CYSTM1: variants seen among roughly 807,000 people sequenced by gnomAD.
The protein encoded by CYSTM1 is cysteine-rich transmembrane module-containing protein 1.
CYSTM1 carries 4 observed loss-of-function variants against 13.1 expected under a neutral mutation model. That is an observed-to-expected ratio of 0.31 (90% CI 0.15 to 0.70). The LOEUF (loss-of-function observed/expected upper bound fraction) is 0.70. CYSTM1 is among the 30% of genes least tolerant of loss of function. The pLI, the probability that CYSTM1 is intolerant of heterozygous loss-of-function variation, is 0.72. For synonymous variants in CYSTM1, 36 were observed against 42.7 expected (o/e 0.84, Z 0.62); for missense variants, 96 against 121.6 (o/e 0.79, Z 0.99).
chr5:140,221,996 T>C (rs1343420935), intron 2 of CYSTM1, among the ~76,000 whole-genome samples: 1 of 152,250 alleles, frequency 6.6e-6, no homozygotes, highest in East Asian at 1.9e-4. Context: ...TGTCACTTAT[T>C]GGTGGGCACT....
At chr5:140,199,545 C>A (rs1407569025) in intron 2 of CYSTM1, among the ~76,000 whole-genome samples, 1 of 152,234 alleles carries the variant, frequency 6.6e-6, no homozygotes, top group Non-Finnish European at 1.5e-5. Context: ...GGCTGGAGTG[C>A]AGTGGCGCGA....
intron 2 of CYSTM1, among the ~76,000 whole-genome samples, chr5:140,225,902 C>T (rs561275321): frequency 4.3e-4 from 65 of 152,332 alleles, no homozygotes; most frequent in African/African-American, 1.5e-3. Context: ...CTCTCTACAG[C>T]GAGGGGCTAA....
rs899946107 is a variant in CYSTM1 at position 140,175,729 on chromosome 5, A to G, written c.-21+444A>G. 6.6e-6 allele frequency among the ~76,000 whole-genome samples: 1 copy of G among 152,192 alleles called. No homozygotes were observed. The highest frequency in any genetic ancestry group is 1.5e-5 in the Non-Finnish European group (1 of 68,026). ...GCTGGGCCAGCCGGGGGCAGGGGGC[A>G]GGTCGCGAGTCCCGCGGGTGGGAGC... On this transcript the variant is annotated intron_variant, in intron 1 of 2. Coordinates refer to ENST00000261811, the MANE Select transcript of CYSTM1 (RefSeq NM_032412.4). The surrounding 1 kb of genome is among the most constrained non-coding windows in gnomAD (Gnocchi z 4.9).
At chr5:140,231,438 G>A (rs75634750) in intron 2 of CYSTM1, among the ~76,000 whole-genome samples, 1,936 of 152,232 alleles carry the variant, frequency 0.013, 57 homozygotes, top group African/African-American at 0.044. Context: ...CATGGATTCC[G>A]TAAACGTAGC....
At chr5:140,210,472 G>A (rs1197505657) in intron 2 of CYSTM1, among the ~76,000 whole-genome samples, 1 of 151,916 alleles carries the variant, frequency 6.6e-6, no homozygotes, top group Non-Finnish European at 1.5e-5. Context: ...CCCCTCCTTT[G>A]AGAACCACTG....
At chr5:140,233,117 T>C (rs1764635814) in intron 2 of CYSTM1, among the ~76,000 whole-genome samples, 1 of 152,202 alleles carries the variant, frequency 6.6e-6, no homozygotes, top group Admixed American at 6.5e-5. Flanking sequence ...ATAGAATTGC[T>C]GTGGTTGAGG....
chr5:140,218,070 C>T (rs181681094), intron 2 of CYSTM1, among the ~76,000 whole-genome samples: 144 of 152,112 alleles, frequency 9.5e-4, no homozygotes, highest in African/African-American at 3.3e-3. Context: ...GGTGATAGCC[C>T]GCTCCAGCTA....
intron 2 of CYSTM1, among the ~76,000 whole-genome samples, chr5:140,227,595 G>A (rs1764572291): frequency 6.6e-6 from 1 of 152,174 alleles, no homozygotes; most frequent in Non-Finnish European, 1.5e-5. Flanking sequence ...GTTGGACCAT[G>A]TGAGGTGTCT....
chr5:140,195,783 G>A (rs573040666), intron 2 of CYSTM1, among the ~76,000 whole-genome samples: 12 of 149,336 alleles, frequency 8.0e-5, no homozygotes, highest in Non-Finnish European at 1.3e-4. Context: ...AGTGGCTCAT[G>A]CCTGTAATCC....
intron 2 of CYSTM1, 120 bp downstream of exon 2, chr5:140,194,772 A>C: frequency 8.0e-7 from 1 of 1,244,576 alleles, no homozygotes; most frequent in Non-Finnish European, 1.1e-6. Flanking sequence ...GATGTCCCCA[A>C]AGCTTGATGA....
chr5:140,183,616 C>T (rs1003717519), intron 1 of CYSTM1, among the ~76,000 whole-genome samples: 8 of 152,190 alleles, frequency 5.3e-5, no homozygotes, highest in African/African-American at 1.7e-4. Context: ...TGGATGTGCT[C>T]CTCCCCGATA....
chr5:140,227,935 T>C lies in CYSTM1; in HGVS notation c.188-15370T>C, dbSNP rs140340159. The stretch of plus-strand genomic sequence containing the variant: ...ATTTCAGAAATGTGTGTGTGTGTAT[T>C]TGTGTGTATATCCTTCTTATTGTAC... On this transcript the variant is annotated intron_variant, in intron 2 of 2. Transcript: ENST00000261811. Among the ~76,000 whole-genome samples, 3 of 152,254 alleles carry C rather than the reference T, an allele frequency of 2.0e-5. No homozygotes were observed. The East Asian group carries it at 5.8e-4, about 29-fold the overall frequency.
intron 2 of CYSTM1, among the ~76,000 whole-genome samples, chr5:140,238,075 G>A (rs539464449): frequency 6.6e-6 from 1 of 152,330 alleles, no homozygotes; most frequent in East Asian, 1.9e-4. Flanking sequence ...TGGGTGAGTT[G>A]GTTGGCCAGC....
chr5:140,231,749 T>C (rs917217709), intron 2 of CYSTM1, among the ~76,000 whole-genome samples: 1 of 152,176 alleles, frequency 6.6e-6, no homozygotes, highest in African/African-American at 2.4e-5. Flanking sequence ...GGAAAGATGG[T>C]GGCTCATTTG....
At chr5:140,185,799 A>G (rs1296300755) in intron 1 of CYSTM1, among the ~76,000 whole-genome samples, 1 of 152,160 alleles carries the variant, frequency 6.6e-6, no homozygotes, top group East Asian at 1.9e-4. Context: ...TGGAATGCCT[A>G]TTGTTGTGAC....
chr5:140,243,469 C>A lies in CYSTM1; in HGVS notation c.*58C>A. On this transcript the variant is annotated 3_prime_UTR_variant, in exon 3 of 3. Transcript: ENST00000261811. ...TCTGCTGCCACCTCTGACAGGTGTGCCTGCCCCCATCTCTTCTGATTGCTG... is the reference window on the plus strand; with the variant it reads ...TCTGCTGCCACCTCTGACAGGTGTGACTGCCCCCATCTCTTCTGATTGCTG... The A allele has an allele frequency of 6.9e-7, 1 of 1,455,022 alleles. No homozygotes were observed. Among genetic ancestry groups the A allele is most frequent in the Non-Finnish European group, 9.6e-7 (1 of 1,046,516 alleles). The allele number at this position is 1,455,022 out of a possible 1,614,324, so 90.1% of individuals were successfully genotyped here. A position where few individuals can be genotyped will look rare whatever the true frequency, so the allele number is the denominator to read the frequency against.
intron 2 of CYSTM1, among the ~76,000 whole-genome samples, chr5:140,233,101 G>A (rs1426448126): frequency 1.3e-5 from 2 of 152,168 alleles, no homozygotes; most frequent in East Asian, 3.8e-4. Context: ...CTGGAAAATA[G>A]ATACTATAGA....
At chr5:140,188,375 C>T (rs1764048490) in intron 1 of CYSTM1, among the ~76,000 whole-genome samples, 1 of 152,102 alleles carries the variant, frequency 6.6e-6, no homozygotes, top group African/African-American at 2.4e-5. Context: ...AGCATGAGCC[C>T]TGAGCCCAGC....
At chr5:140,206,607 G>GTTGGTTGT (rs1764301008) in intron 2 of CYSTM1, among the ~76,000 whole-genome samples, 1 of 149,402 alleles carries the variant, frequency 6.7e-6, no homozygotes, top group African/African-American at 2.5e-5. Flanking sequence ...GCTGAGCACT[G>GTTGGTTGT]TTGTTTGTTT....
Sources: gnomAD v4.1 joint callset for allele counts (sites outside exome capture counted in the v4.1 genomes callset) on GRCh38, gnomAD v4.1.1 for gene constraint, Gnocchi (gnomAD v3.1) non-coding constraint, MANE v1.5 for transcripts, NCBI Gene and HGNC (gene_info 2026-07-23, HGNC 2026-07-21) for gene names.